The following SLC7A7 variants were observed in gnomAD, a reference collection of about 807,000 sequenced individuals.
SLC7A7 encodes the protein Y+L amino acid transporter 1.
A neutral mutation model predicts 47.9 loss-of-function variants in SLC7A7; 39 were observed. The observed-to-expected ratio is 0.81, with a 90% confidence interval of 0.63 to 1.06. SLC7A7 has a LOEUF of 1.06. Among genes scored for constraint, SLC7A7 ranks in the 50% least tolerant of loss-of-function variants. SLC7A7 has a pLI of 0.00. For synonymous variants in SLC7A7, 234 were observed against 242.8 expected, an observed-to-expected ratio of 0.96 and a Z score of 0.34; for missense variants, 588 against 632.0, an observed-to-expected ratio of 0.93 and a Z score of 0.75.
intron 2 of SLC7A7, among the ~76,000 whole-genome samples, chr14:22,787,272 C>T (rs1289383441): frequency 2.6e-5 from 4 of 151,636 alleles, no homozygotes; most frequent in Non-Finnish European, 5.9e-5. Flanking sequence ...CCCGTCTCTA[C>T]TAAAAGAACA....
intron 2 of SLC7A7, among the ~76,000 whole-genome samples, chr14:22,796,961 A>G (rs1262711752): frequency 1.3e-5 from 2 of 152,370 alleles, no homozygotes; most frequent in Non-Finnish European, 2.9e-5. Flanking sequence ...AAGCTTTTAG[A>G]AATCAATAAG....
At position 22,774,463 on chromosome 14, in the gene SLC7A7, A is replaced by G; in HGVS notation, c.1136T>C (p.Phe379Ser). The change falls in exon 8 of 10, where the codon TTC (phenylalanine) becomes TCC (serine). Residue 379 changes from phenylalanine to serine, a missense_variant. Physicochemically the swap from Phe to Ser is radical, Grantham distance 155. Transcript: ENST00000674313. Reference protein sequence around the residue: ...ALIYLCVEDIFQLINYYSFSY... With the variant: ...ALIYLCVEDISQLINYYSFSY... ...GAAGCTGTAGTAGTTAATGAGCTGG[A>G]AGATGTCTTCCACGCACAAGTAGAT... 1 of 1,614,154 alleles carries G rather than the reference A, an allele frequency of 6.2e-7. No homozygotes were observed. Among genetic ancestry groups the G allele is most frequent in the South Asian group, 1.1e-5 (1 of 91,082 alleles).
intron 2 of SLC7A7, among the ~76,000 whole-genome samples, chr14:22,811,826 GAC>G (rs2039310618): frequency 7.7e-6 from 1 of 129,838 alleles, no homozygotes; most frequent in Non-Finnish European, 1.6e-5. Flanking sequence ...AAGCCTGGGC[GAC>G]AGAGTGACTC....
intron 1 of SLC7A7, among the ~76,000 whole-genome samples, chr14:22,814,264 AC>A (rs1468764034): frequency 3.3e-5 from 5 of 151,570 alleles, no homozygotes; most frequent in Admixed American, 6.6e-5. Flanking sequence ...CGGGCAGATC[AC>A]CTAAAGTCGG....
intron 4 of SLC7A7, among the ~76,000 whole-genome samples, chr14:22,777,053 G>T (rs1332195832): frequency 6.7e-6 from 1 of 150,146 alleles, no homozygotes; most frequent in African/African-American, 2.5e-5. Flanking sequence ...TGAGGTGGGA[G>T]GATCACTTGA....
chr14:22,773,892 G>A, intron 9 of SLC7A7, 41 bp downstream of exon 9: 1 of 1,612,162 alleles, frequency 6.2e-7, no homozygotes, highest in Non-Finnish European at 8.5e-7. Flanking sequence ...CAAAAACCAA[G>A]CTCTGCAATA....
upstream of SLC7A7, chr14:22,816,177 G>T (rs1566466383): frequency 6.3e-6 from 1 of 159,020 alleles, no homozygotes. Context: ...AATATAAGTT[G>T]ACTCCACTTT....
At chr14:22,813,649 G>C (rs796890138) in intron 1 of SLC7A7, among the ~76,000 whole-genome samples, 1 of 152,094 alleles carries the variant, frequency 6.6e-6, no homozygotes. Flanking sequence ...ACAGAGTCTC[G>C]CTCTGTAGCC....
At chr14:22,778,032 G>A (rs1046495654) in intron 4 of SLC7A7, among the ~76,000 whole-genome samples, 5 of 152,104 alleles carry the variant, frequency 3.3e-5, no homozygotes, top group South Asian at 2.1e-4. Context: ...CCAAGATCAC[G>A]CCATTGCACT....
chr14:22,783,268 G>A (rs906963413), intron 2 of SLC7A7, among the ~76,000 whole-genome samples: 2 of 151,850 alleles, frequency 1.3e-5, no homozygotes, highest in Admixed American at 6.6e-5. Flanking sequence ...TTGCTATGTG[G>A]CCCAGGCTGG....
chr14:22,810,024 A>G (rs1268703256), intron 2 of SLC7A7, among the ~76,000 whole-genome samples: 1 of 127,438 alleles, frequency 7.8e-6, no homozygotes, highest in Non-Finnish European at 1.6e-5. Context: ...GGGCAACAAG[A>G]GGGAAACACT....
rs751577959 is a variant in SLC7A7, at chr14:22,778,952, C to T, written c.626-15G>A. 4.3e-6 allele frequency: 7 copies of T among 1,613,454 alleles called. No homozygotes were observed. Among genetic ancestry groups the T allele is most frequent in the Non-Finnish European group, 5.9e-6 (7 of 1,179,964 alleles). ...AGTAGAGGCTCCTGGAACCCAAGAA[C>T]ATTGGAAGGCAGGGGATTAGTGGCT... On this transcript the variant is annotated splice_polypyrimidine_tract_variant and intron_variant, in intron 3 of 9. Transcript: ENST00000674313.
chr14:22,806,362 AT>A (rs1433921406), intron 2 of SLC7A7, among the ~76,000 whole-genome samples: 9 of 151,160 alleles, frequency 6.0e-5, no homozygotes, highest in Non-Finnish European at 3.0e-5. Flanking sequence ...TGCCCGGCTA[AT>A]TTTTTTGTGT....
chr14:22,786,566 T>A (rs551707535), intron 2 of SLC7A7, among the ~76,000 whole-genome samples: 1 of 152,224 alleles, frequency 6.6e-6, no homozygotes, highest in East Asian at 1.9e-4. Context: ...CCTGAAATCA[T>A]TGTTTACTAC....
At chr14:22,797,753 A>G (rs1280683187) in intron 2 of SLC7A7, among the ~76,000 whole-genome samples, 1 of 152,118 alleles carries the variant, frequency 6.6e-6, no homozygotes, top group Non-Finnish European at 1.5e-5. Flanking sequence ...AACCACCCGT[A>G]TAAAAAAACC....
intron 2 of SLC7A7, among the ~76,000 whole-genome samples, chr14:22,781,056 C>T (rs1012876495): frequency 2.0e-5 from 3 of 152,134 alleles, no homozygotes; most frequent in African/African-American, 7.2e-5. Context: ...GGTAGCATAG[C>T]GAATCGCTTC....
At chr14:22,807,978 G>A (rs911439356) in intron 2 of SLC7A7, among the ~76,000 whole-genome samples, 5 of 151,730 alleles carry the variant, frequency 3.3e-5, no homozygotes, top group Non-Finnish European at 5.9e-5. Context: ...CCTGGCCAAC[G>A]TGGTGAAACC....
upstream of SLC7A7, among the ~76,000 whole-genome samples, chr14:22,819,456 G>A (rs2039447580): frequency 6.6e-6 from 1 of 151,690 alleles, no homozygotes; most frequent in African/African-American, 2.4e-5. Flanking sequence ...GTTTACTCCT[G>A]TGGCCAGGGC....
intron 2 of SLC7A7, among the ~76,000 whole-genome samples, chr14:22,785,380 T>C (rs185199154): frequency 5.1e-4 from 77 of 152,272 alleles, no homozygotes; most frequent in Admixed American, 9.8e-4. Context: ...CTCCTCTGTC[T>C]CCACACAGAA....
Sources: gnomAD v4.1 joint callset for allele counts (sites outside exome capture counted in the v4.1 genomes callset) on GRCh38, gnomAD v4.1.1 for gene constraint, MANE v1.5 for transcripts, NCBI Gene and HGNC (gene_info 2026-07-23, HGNC 2026-07-21) for gene names.